The following IKZF2 variants were observed in gnomAD, a reference collection of about 807,000 sequenced individuals.
The protein encoded by IKZF2 is IKAROS family zinc finger 2.
A neutral mutation model predicts 49.2 loss-of-function variants in IKZF2; 15 were observed. The observed-to-expected ratio is 0.30, with a 90% CI of 0.20 to 0.47. The LOEUF is 0.47. Ranked by LOEUF, IKZF2 falls within the 20% of genes least tolerant of loss-of-function variation. The pLI, the probability that IKZF2 is intolerant of heterozygous loss-of-function variation, is 1.00. For synonymous variants in IKZF2, 227 were observed against 221.4 expected (o/e 1.03, Z -0.23); for missense variants, 567 against 664.6 (o/e 0.85, Z 1.61).
At chr2:213,042,507 T>C (rs1699760548) in intron 6 of IKZF2, among the ~76,000 whole-genome samples, 1 of 152,198 alleles carries the variant, frequency 6.6e-6, no homozygotes, top group Non-Finnish European at 1.5e-5. Context: ...GCAAAACCTA[T>C]TTATGCCAGT....
chr2:213,013,305 T>G lies in IKZF2; in HGVS notation c.856+486A>C, dbSNP rs116812751. On this transcript the variant is annotated intron_variant, in intron 8 of 8. Coordinates refer to ENST00000434687, the MANE Select transcript of IKZF2 (RefSeq NM_001387220.1). Reference sequence around the variant, plus strand: ...GAGGTTGAAATTTTGTTTTAATTTTTGCAATCAGACCTTGGCGATGACCTT... The same window carrying G: ...GAGGTTGAAATTTTGTTTTAATTTTGGCAATCAGACCTTGGCGATGACCTT... 9.3e-3 allele frequency among the ~76,000 whole-genome samples: 1,410 copies of G among 152,086 alleles called. 11 individuals carry two copies. The highest frequency in any genetic ancestry group is 0.015 in the Non-Finnish European group (1,027 of 67,888).
intron 6 of IKZF2, among the ~76,000 whole-genome samples, chr2:213,037,310 T>C (rs1042645394): frequency 1.3e-5 from 2 of 152,232 alleles, no homozygotes; most frequent in South Asian, 2.1e-4. Flanking sequence ...AAGAGCTGCA[T>C]AGAATTATAA....
At chr2:213,072,689 C>A (rs1316224033) in intron 4 of IKZF2, among the ~76,000 whole-genome samples, 1 of 152,058 alleles carries the variant, frequency 6.6e-6, no homozygotes, top group African/African-American at 2.4e-5. Context: ...TATAGGGCAC[C>A]TTATCAAGCC....
intron 5 of IKZF2, 118 bp from the exon 6 acceptor site, chr2:213,049,998 G>T: frequency 1.5e-6 from 1 of 650,338 alleles, no homozygotes; most frequent in Non-Finnish European, 2.3e-6. Flanking sequence ...TCCCTCATAA[G>T]TCTTTTAAAC....
rs751941935 is a variant in IKZF2 at position 213,007,783 on chromosome 2, G to A, written c.1158C>T (p.Leu386=). The A allele has an allele frequency of 6.2e-6, 10 of 1,613,656 alleles. No individual in the cohort carries two copies. The highest frequency in any genetic ancestry group is 1.1e-5 in the South Asian group (1 of 91,070). ...CCTGGGGTCGACTCTTTGGTCTGAT[G>A]AGAGAGATGGGGCCATCCATGTTGT... ...HENNMDGPIS[L]IRPKSRPQER... The change falls in exon 9 of 9, where the codon CTC becomes CTT. Residue 386 remains leucine, a synonymous_variant. Transcript: ENST00000434687.
intron 4 of IKZF2, among the ~76,000 whole-genome samples, chr2:213,098,352 C>T (rs951170141): frequency 6.6e-6 from 1 of 151,972 alleles, no homozygotes; most frequent in African/African-American, 2.4e-5. Flanking sequence ...CTCCTGGAAT[C>T]AAAAGAGGTT....
At position 213,047,810 on chromosome 2, in the gene IKZF2, G is replaced by A. The variant is rs1700297936; in HGVS notation, c.574+1903C>T. On this transcript the variant is annotated intron_variant, in intron 6 of 8. Coordinates refer to ENST00000434687, the MANE Select transcript of IKZF2 (RefSeq NM_001387220.1). Reference sequence around the variant, plus strand: ...TACTTACCTCATAATTTTGGTTATTGAAAAATTATAGTAATATAAGAAAGA... The same window carrying A: ...TACTTACCTCATAATTTTGGTTATTAAAAAATTATAGTAATATAAGAAAGA... Among the ~76,000 whole-genome samples the A allele has an allele frequency of 2.0e-5, 3 of 152,050 alleles. No individual in the cohort carries two copies. In the South Asian group the frequency reaches 6.3e-4, roughly 32 times the overall value.
At chr2:213,024,055 C>A (rs1697528734) in intron 6 of IKZF2, among the ~76,000 whole-genome samples, 2 of 152,164 alleles carry the variant, frequency 1.3e-5, no homozygotes, top group Non-Finnish European at 2.9e-5. Flanking sequence ...TTACTACTCT[C>A]ATTACTATCC....
intron 4 of IKZF2, among the ~76,000 whole-genome samples, chr2:213,137,484 A>T (rs980787341): frequency 1.3e-5 from 2 of 152,078 alleles, no homozygotes; most frequent in African/African-American, 4.8e-5. Context: ...CAAGCTTTAG[A>T]TGATATTTGG....
intron 6 of IKZF2, among the ~76,000 whole-genome samples, chr2:213,044,006 C>T (rs568593439): frequency 3.3e-5 from 5 of 152,296 alleles, no homozygotes; most frequent in South Asian, 4.1e-4. Flanking sequence ...CCCGCAAAAG[C>T]TAATTTTTAT....
rs190804739 is a variant in IKZF2, at chr2:213,001,897, A to C, written c.*5463T>G. The stretch of plus-strand genomic sequence containing the variant: ...GAACTACTTAAAAAAAACAAGAATA[A>C]AACAACAAAAAAACCCAGATCCCTT... On this transcript the variant is annotated 3_prime_UTR_variant, in exon 9 of 9. Transcript: ENST00000434687. 5.8e-3 allele frequency: 884 copies of C among 151,984 alleles called. 8 individuals carry two copies. The highest frequency in any genetic ancestry group is 0.034 in the Middle Eastern group (10 of 294). 9.4% of individuals were successfully genotyped at this position (151,984 alleles called of 1,614,324 possible).
chr2:213,033,729 T>C (rs1385590547), intron 6 of IKZF2, among the ~76,000 whole-genome samples: 3 of 152,240 alleles, frequency 2.0e-5, no homozygotes, highest in Non-Finnish European at 4.4e-5. Flanking sequence ...GTTCCATTTA[T>C]AGAGCACAGG....
chr2:213,133,814 A>G (rs895217016), intron 4 of IKZF2, among the ~76,000 whole-genome samples: 36 of 152,132 alleles, frequency 2.4e-4, no homozygotes, highest in African/African-American at 8.4e-4. Flanking sequence ...CATAAATATT[A>G]AGCTCAAGTT....
Position 213,004,669 on chromosome 2 carries a change from T to C in IKZF2, c.*2691A>G, listed in dbSNP as rs1407643983. 2 of 151,968 alleles carry C rather than the reference T, an allele frequency of 1.3e-5. No homozygotes were observed. The highest frequency in any genetic ancestry group is 4.8e-5 in the African/African-American group (2 of 41,420). The allele number at this position is 151,968 out of a possible 1,614,324, so 9.4% of individuals were successfully genotyped here. A position where few individuals can be genotyped will look rare whatever the true frequency, so the allele number is the denominator to read the frequency against. ...TCCTTTTGAAGAAAAGGCATGCACA[T>C]ATAACCATCCAGAGTTTCTCCAAAA... is the stretch of plus-strand genomic sequence containing the variant. On this transcript the variant is annotated 3_prime_UTR_variant, in exon 9 of 9. Transcript: ENST00000434687.
At position 213,118,418 on chromosome 2, in the gene IKZF2, G is replaced by A. The variant is rs562220481; in HGVS notation, c.139+29290C>T. On this transcript the variant is annotated intron_variant, in intron 4 of 8. Transcript: ENST00000434687. The stretch of plus-strand genomic sequence containing the variant: ...TGGAGGGCTCTGTTCTAAGACTATC[G>A]AGTATATGTTATGTGGTATTTAAAG... Among the ~76,000 whole-genome samples, 6 of 152,250 alleles carry A rather than the reference G, an allele frequency of 3.9e-5. No individual in the cohort carries two copies. The South Asian group carries it at 1.0e-3, about 26-fold the overall frequency.
At chr2:213,085,150 AAAACACTTAG>A (rs1233107921) in intron 4 of IKZF2, among the ~76,000 whole-genome samples, 20 of 152,338 alleles carry the variant, frequency 1.3e-4, no homozygotes, top group Admixed American at 7.2e-4. Context: ...TTTCTCTTTT[AAAACACTTAG>A]AAACACTTAG....
At chr2:213,124,647 G>T (rs1308638308) in intron 4 of IKZF2, among the ~76,000 whole-genome samples, 1 of 152,210 alleles carries the variant, frequency 6.6e-6, no homozygotes, top group East Asian at 1.9e-4. Flanking sequence ...CCCATGTGTA[G>T]AAAGTACAGG....
chr2:213,080,390 C>T (rs901213208), intron 4 of IKZF2, among the ~76,000 whole-genome samples: 1 of 152,060 alleles, frequency 6.6e-6, no homozygotes, highest in African/African-American at 2.4e-5. Context: ...ATCTACTTCT[C>T]TATATATCCA....
At chr2:213,014,682 A>G (rs889375577) in intron 7 of IKZF2, 1 of 152,034 alleles carries the variant, frequency 6.6e-6, no homozygotes, top group African/African-American at 2.4e-5. Flanking sequence ...CTAAGTTGCT[A>G]TGGACTAATC....
Sources: allele counts gnomAD v4.1 joint callset (sites outside exome capture counted in the v4.1 genomes callset), GRCh38; gene constraint gnomAD v4.1.1; transcripts MANE v1.5; gene names NCBI Gene and HGNC (gene_info 2026-07-23, HGNC 2026-07-21).